Variants in SLC14A2 observed in about 807,000 individuals in gnomAD.
The protein encoded by SLC14A2 is urea transporter 2.
A neutral mutation model predicts 104.6 loss-of-function variants in SLC14A2; 91 were observed. That is an observed-to-expected ratio of 0.87 (90% CI 0.73 to 1.04). The LOEUF (loss-of-function observed/expected upper bound fraction) is 1.04, where lower values mean the gene tolerates loss of function less well. SLC14A2 is among the 50% of genes least tolerant of loss of function. The pLI is 0.00. For missense variants in SLC14A2, 1,189 were observed against 1,156.0 expected (o/e 1.03, Z -0.41); for synonymous variants, 476 against 466.4 (o/e 1.02, Z -0.27).
chr18:45,456,237 A>G (rs9947038), intron 1 of SLC14A2, among the ~76,000 whole-genome samples: 2,389 of 152,264 alleles, frequency 0.016, 62 homozygotes, highest in African/African-American at 0.054. Flanking sequence ...GGCTAGGCAG[A>G]GGAAGAGGAA....
chr18:45,328,764 G>A (rs957187157), intron 1 of SLC14A2, among the ~76,000 whole-genome samples: 9 of 152,124 alleles, frequency 5.9e-5, no homozygotes, highest in Non-Finnish European at 1.3e-4. Context: ...GAGCCAATTG[G>A]TTTTTATGAA....
chr18:45,391,271 C>T (rs2144412809), intron 1 of SLC14A2, among the ~76,000 whole-genome samples: 1 of 152,320 alleles, frequency 6.6e-6, no homozygotes, highest in South Asian at 2.1e-4. Context: ...TTTTTTATGG[C>T]TGCATAGTAT....
In SLC14A2 at chr18:45,472,582, A is replaced by ATGGTATCGCATTCTAAC. The variant is rs1327263205; in HGVS notation, c.-124-10639_-124-10638insCTAACTGGTATCGCATT. Among the ~76,000 whole-genome samples the ATGGTATCGCATTCTAAC allele has an allele frequency of 2.6e-4, 39 of 152,252 alleles. 1 individual carries two copies. The highest frequency in any genetic ancestry group is 9.1e-4 in the African/African-American group (38 of 41,538). On this transcript the variant is annotated intron_variant, in intron 1 of 20. Coordinates refer to the SLC14A2 transcript ENST00000586448. Reference sequence around the variant, plus strand: ...TGATAGCCATTCTAACTGGTGTGAGATGGTATCGCATTGTGGTTTTGATTT... The same window carrying ATGGTATCGCATTCTAAC: ...TGATAGCCATTCTAACTGGTGTGAGATGGTATCGCATTCTAACTGGTATCGCATTGTGGTTTTGATTT...
chr18:45,325,114 C>T (rs777756604), intron 1 of SLC14A2, among the ~76,000 whole-genome samples: 3 of 152,202 alleles, frequency 2.0e-5, no homozygotes, highest in Non-Finnish European at 4.4e-5. Context: ...CCTCCACTTG[C>T]TCTTAAAACA....
chr18:45,320,111 G>A (rs988995079), intron 1 of SLC14A2, among the ~76,000 whole-genome samples: 4 of 152,086 alleles, frequency 2.6e-5, no homozygotes, highest in Non-Finnish European at 4.4e-5. Context: ...TTTAATAATT[G>A]TTGCAAAAAT....
chr18:45,391,582 C>G (rs968775914), intron 1 of SLC14A2, among the ~76,000 whole-genome samples: 1 of 152,164 alleles, frequency 6.6e-6, no homozygotes, highest in Non-Finnish European at 1.5e-5. Context: ...TCCTCTCCAG[C>G]ACCTGTTGTT....
intron 2 of SLC14A2, among the ~76,000 whole-genome samples, chr18:45,494,962 T>G (rs966473864): frequency 6.6e-6 from 1 of 151,518 alleles, no homozygotes; most frequent in Non-Finnish European, 1.5e-5. Context: ...TGGATCTCCA[T>G]AATATAAGCT....
At chr18:45,269,798 C>G (rs1263321375) in intron 1 of SLC14A2, among the ~76,000 whole-genome samples, 5 of 152,152 alleles carry the variant, frequency 3.3e-5, no homozygotes, top group Non-Finnish European at 7.3e-5. Flanking sequence ...AATCTTGTGT[C>G]AGTTTGAGTC....
intron 17 of SLC14A2, 80 bp from the exon 18 acceptor site, chr18:45,673,603 G>A (rs1046388632): frequency 2.0e-6 from 3 of 1,497,566 alleles, no homozygotes; most frequent in Non-Finnish European, 1.8e-6. Context: ...CGGGCTTTGA[G>A]GACTGTGGTA....
At chr18:45,670,463 C>T (rs2046112746) in intron 16 of SLC14A2, among the ~76,000 whole-genome samples, 1 of 152,170 alleles carries the variant, frequency 6.6e-6, no homozygotes, top group Admixed American at 6.5e-5. Flanking sequence ...GTCTGGCGCT[C>T]ACTCTGAGAC....
chr18:45,203,516 A>C, the SLC14A2 span, among the ~76,000 whole-genome samples: 1 of 152,298 alleles, frequency 6.6e-6, no homozygotes, highest in African/African-American at 2.4e-5. Context: ...CCACCTACCG[A>C]AATAAAAATA....
chr18:45,226,323 A>G (rs2084116152), intron 1 of SLC14A2, among the ~76,000 whole-genome samples: 1 of 152,220 alleles, frequency 6.6e-6, no homozygotes, highest in Non-Finnish European at 1.5e-5. Context: ...TACTGGGTAT[A>G]TACCCAAAGG....
intron 1 of SLC14A2, among the ~76,000 whole-genome samples, chr18:45,334,865 C>T (rs916980959): frequency 6.6e-5 from 10 of 152,166 alleles, no homozygotes; most frequent in African/African-American, 1.2e-4. Flanking sequence ...CGCCTGCTGG[C>T]GGAGGGGTCT....
chr18:45,427,830 A>C (rs2086456799), intron 1 of SLC14A2, among the ~76,000 whole-genome samples: 2 of 152,178 alleles, frequency 1.3e-5, no homozygotes, highest in African/African-American at 4.8e-5. Context: ...AGATCCTGGC[A>C]TCAGGTTCTA....
chr18:45,580,802 G>A (rs1458615316), intron 2 of SLC14A2, among the ~76,000 whole-genome samples: 1 of 152,136 alleles, frequency 6.6e-6, no homozygotes, highest in African/African-American at 2.4e-5. Flanking sequence ...GGTGACAGAG[G>A]GAGAGATAAG....
chr18:45,188,190 C>G, the SLC14A2 span, among the ~76,000 whole-genome samples: 1 of 152,052 alleles, frequency 6.6e-6, no homozygotes, highest in Admixed American at 6.6e-5. Flanking sequence ...TGTTGGTAAA[C>G]CAAAAATATA....
At chr18:45,516,104 A>G (rs535140247) in intron 2 of SLC14A2, among the ~76,000 whole-genome samples, 9 of 152,238 alleles carry the variant, frequency 5.9e-5, no homozygotes, top group East Asian at 1.9e-4. Context: ...GAGCTCTGCT[A>G]TACCAAGCAT....
intron 2 of SLC14A2, among the ~76,000 whole-genome samples, chr18:45,605,268 C>T (rs1456815010): frequency 2.6e-5 from 4 of 152,258 alleles, no homozygotes; most frequent in South Asian, 2.1e-4. Context: ...TAAAAATATA[C>T]ATAAAAGTTC....
chr18:45,507,039 A>T (rs2043297625), intron 2 of SLC14A2, among the ~76,000 whole-genome samples: 1 of 152,200 alleles, frequency 6.6e-6, no homozygotes, highest in African/African-American at 2.4e-5. Context: ...TGTACATTGA[A>T]GGAGATGGAC....
Sources: gnomAD v4.1 joint callset for allele counts (sites outside exome capture counted in the v4.1 genomes callset) on GRCh38, gnomAD v4.1.1 for gene constraint, MANE v1.5 for transcripts, NCBI Gene and HGNC (gene_info 2026-07-23, HGNC 2026-07-21) for gene names.